RFX7: variants seen among roughly 807,000 people sequenced by gnomAD.
RFX7 encodes regulatory factor X7, also known as DNA-binding protein RFX7.
A neutral mutation model predicts 111.8 loss-of-function variants in RFX7; 26 were observed. The ratio of observed to expected loss-of-function variants is 0.23; its 90% CI spans 0.17 to 0.32. The LOEUF (loss-of-function observed/expected upper bound fraction) is 0.32, where lower values mean the gene tolerates loss of function less well. RFX7 is among the 10% of genes least tolerant of loss of function. The pLI is 1.00. For synonymous variants in RFX7, 624 were observed against 624.4 expected (o/e 1.00, Z 0.01); for missense variants, 1,573 against 1,772.9 (o/e 0.89, Z 2.02).
rs372457778 is a variant in RFX7 at position 56,095,991 on chromosome 15, C to T, written c.1737G>A (p.Leu579=). 3.1e-6 allele frequency: 5 copies of T among 1,612,168 alleles called. No homozygotes were observed. The South Asian group carries it at 3.3e-5, about 11-fold the overall frequency. ...LGQKSNTDGA[L]QKPSNEGVIE... is the part of the protein sequence containing the mutation. ...TGACACCTTCATTTGAAGGTTTCTG[C>T]AGTGCTCCGTCTGTATTACTTTTCT... is the stretch of plus-strand genomic sequence containing the variant. Residue 579 remains leucine (L), a synonymous_variant, in exon 10 of 10, where the codon CTG becomes CTA. Coordinates refer to ENST00000559447, the MANE Select transcript of RFX7 (RefSeq NM_022841.7).
chr15:56,108,350 C>G (rs1453047829), intron 5 of RFX7, among the ~76,000 whole-genome samples: 3 of 152,170 alleles, frequency 2.0e-5, no homozygotes, highest in African/African-American at 7.2e-5. Flanking sequence ...AGCTTATCCA[C>G]CACCATCAAG....
chr15:56,227,528 AT>A (rs1188391213), intron 2 of RFX7, among the ~76,000 whole-genome samples: 5 of 151,886 alleles, frequency 3.3e-5, no homozygotes, highest in Admixed American at 6.6e-5. Flanking sequence ...TTATTAACAA[AT>A]TTTTTTTATT....
At chr15:56,203,439 T>C (rs1448619892) in intron 2 of RFX7, among the ~76,000 whole-genome samples, 1 of 152,186 alleles carries the variant, frequency 6.6e-6, no homozygotes, top group East Asian at 1.9e-4. Context: ...CCCCTATCCT[T>C]ATAATACAAG....
rs2043092134 is a variant in RFX7, at chr15:56,190,774, G to A, written c.162-11471C>T. 2.0e-5 allele frequency among the ~76,000 whole-genome samples: 3 copies of A among 152,098 alleles called. No homozygotes were observed. In the South Asian group the frequency reaches 6.2e-4, roughly 32 times the overall value. ...GCCCCACTCTTAAACATACTCAGAT[G>A]GACAGACAACTGGAAAAAACTCTCT... On this transcript the variant is annotated intron_variant, in intron 2 of 9. Coordinates refer to ENST00000559447, the MANE Select transcript of RFX7 (RefSeq NM_022841.7).
intron 2 of RFX7, chr15:56,192,324 C>T (rs1204619092): frequency 4.6e-6 from 1 of 216,732 alleles, no homozygotes; most frequent in South Asian, 9.3e-5. Flanking sequence ...AGGGATTCTT[C>T]TCAGTGCCAG....
intron 2 of RFX7, among the ~76,000 whole-genome samples, chr15:56,241,465 C>T (rs775950116): frequency 6.6e-6 from 1 of 152,070 alleles, no homozygotes; most frequent in Non-Finnish European, 1.5e-5. Context: ...TAAAATTTGT[C>T]TCTCTTAAAA....
intron 2 of RFX7, among the ~76,000 whole-genome samples, chr15:56,213,199 C>T (rs1410079654): frequency 6.6e-6 from 1 of 152,104 alleles, no homozygotes; most frequent in African/African-American, 2.4e-5. Flanking sequence ...CCATTTATCC[C>T]AGAGAAATGC....
chr15:56,244,250 C>T (rs759470853), upstream of RFX7: 2 of 150,454 alleles, frequency 1.3e-5, no homozygotes, highest in Non-Finnish European at 3.0e-5. Context: ...ATTACTTCCT[C>T]CCTGAGTAAA....
At chr15:56,129,285 A>T (rs1362682335) in intron 5 of RFX7, among the ~76,000 whole-genome samples, 1 of 151,882 alleles carries the variant, frequency 6.6e-6, no homozygotes, top group Non-Finnish European at 1.5e-5. Context: ...TGAGGCAGAA[A>T]TATCACTTGA....
In RFX7 at chr15:56,201,279, T is replaced by C. The variant is rs372483855; in HGVS notation, c.162-21976A>G. Among the ~76,000 whole-genome samples, 12 of 152,336 alleles carry C rather than the reference T, an allele frequency of 7.9e-5. No homozygotes were observed. In the East Asian group the frequency reaches 2.3e-3, roughly 29 times the overall value. ...CAAAAAATAAAGTCGCCAAGTTCAA[T>C]GTCCTGTAGTCCTCCACTTAAACCC... On this transcript the variant is annotated intron_variant, in intron 2 of 9. Transcript: ENST00000559447.
At chr15:56,136,890 T>C (rs2042311183) in intron 5 of RFX7, among the ~76,000 whole-genome samples, 1 of 147,068 alleles carries the variant, frequency 6.8e-6, no homozygotes, top group East Asian at 2.0e-4. Flanking sequence ...GGTTTTTGTC[T>C]TTGGCTCTGT....
intron 3 of RFX7, among the ~76,000 whole-genome samples, chr15:56,167,398 G>C (rs1343940967): frequency 6.6e-6 from 1 of 152,138 alleles, no homozygotes; most frequent in Non-Finnish European, 1.5e-5. Flanking sequence ...AAAATAAGGG[G>C]ACTCGGTAAT....
At chr15:56,154,525 T>C (rs1224135934) in intron 3 of RFX7, among the ~76,000 whole-genome samples, 1 of 152,088 alleles carries the variant, frequency 6.6e-6, no homozygotes, top group African/African-American at 2.4e-5. Context: ...AAACAAGCAA[T>C]GGGGAAAGGA....
chr15:56,131,845 T>C (rs1423034364), intron 5 of RFX7, among the ~76,000 whole-genome samples: 2 of 151,666 alleles, frequency 1.3e-5, no homozygotes, highest in Admixed American at 1.3e-4. Flanking sequence ...GGATAAACTA[T>C]CTAGAAAAGT....
At chr15:56,138,929 T>C (rs1473663295) in intron 5 of RFX7, among the ~76,000 whole-genome samples, 1 of 152,184 alleles carries the variant, frequency 6.6e-6, no homozygotes, top group Non-Finnish European at 1.5e-5. Context: ...TCTTTAAGAA[T>C]GTTGAATATT....
At chr15:56,106,610 G>T (rs767412211) in intron 5 of RFX7, among the ~76,000 whole-genome samples, 1 of 152,156 alleles carries the variant, frequency 6.6e-6, no homozygotes, top group South Asian at 2.1e-4. Context: ...ACCTCAACAC[G>T]AACCCTTCTT....
intron 2 of RFX7, among the ~76,000 whole-genome samples, chr15:56,232,197 T>C (rs1202921615): frequency 1.3e-5 from 2 of 152,212 alleles, no homozygotes; most frequent in East Asian, 1.9e-4. Context: ...GGGGACTCTG[T>C]GTAGGGGCTT....
intron 5 of RFX7, among the ~76,000 whole-genome samples, chr15:56,115,232 G>A (rs1056436156): frequency 1.6e-4 from 24 of 152,110 alleles, no homozygotes; most frequent in African/African-American, 5.1e-4. Flanking sequence ...GGCTGGTCTC[G>A]AACTCCTGAC....
intron 3 of RFX7, among the ~76,000 whole-genome samples, chr15:56,164,091 C>A (rs2042755758): frequency 6.6e-6 from 1 of 152,206 alleles, no homozygotes; most frequent in South Asian, 2.1e-4. Flanking sequence ...TACTTAGGTT[C>A]AACTGCTGTC....
Sources: allele counts gnomAD v4.1 joint callset (sites outside exome capture counted in the v4.1 genomes callset), GRCh38; gene constraint gnomAD v4.1.1; transcripts MANE v1.5; gene names NCBI Gene and HGNC (gene_info 2026-07-23, HGNC 2026-07-21).